The following NXF3 variants were observed in gnomAD, a reference collection of about 807,000 sequenced individuals.
NXF3 encodes the protein nuclear RNA export factor 3, also known as TAP-like protein 3.
Under a neutral mutation model 48.4 loss-of-function variants are expected in NXF3, and 34 were observed. That is an observed-to-expected ratio of 0.70 (90% confidence interval 0.53 to 0.93). The LOEUF (loss-of-function observed/expected upper bound fraction) is 0.93, where lower values mean the gene tolerates loss of function less well. Ranked by LOEUF, NXF3 falls within the 40% of genes least tolerant of loss-of-function variation. The pLI is 0.00. For synonymous variants in NXF3, 132 were observed against 145.7 expected (o/e 0.91, Z 0.68); for missense variants, 359 against 406.1 (o/e 0.88, Z 1.00).
At chrX:103,087,684 T>C in intron 1 of NXF3, 4 of 1,049,542 alleles carry the variant, frequency 3.8e-6, no homozygotes, top group South Asian at 3.8e-5. Flanking sequence ...GCATATACAA[T>C]CTGTGGCAAG....
In NXF3 at chrX:103,078,887, A is replaced by G. The variant is rs780204974; in HGVS notation, c.1379-255T>C. On this transcript the variant is annotated intron_variant, in intron 16 of 19. Coordinates refer to ENST00000395065, the MANE Select transcript of NXF3 (RefSeq NM_022052.2). ...GTTCACTTAATTCCTATTTCACAGTAGCCCAAGAGATGGGTTATTATTAGC... is the reference window on the plus strand; with the variant it reads ...GTTCACTTAATTCCTATTTCACAGTGGCCCAAGAGATGGGTTATTATTAGC... Among the ~76,000 whole-genome samples, 4 of 112,333 alleles carry G rather than the reference A, an allele frequency of 3.6e-5. No homozygotes were observed. The South Asian group carries it at 1.1e-3, about 32-fold the overall frequency.
chrX:103,083,134 G>C, intron 6 of NXF3, 59 bp downstream of exon 6: 2 of 1,192,063 alleles, frequency 1.7e-6, no homozygotes, highest in South Asian at 3.5e-5. Context: ...GGGGCAATAG[G>C]TGGGGAAGAA....
In NXF3 at chrX:103,078,603, C is replaced by A; in HGVS notation, c.1408G>T (p.Ala470Ser). 2 of 1,211,904 alleles carry A rather than the reference C, an allele frequency of 1.7e-6. No homozygotes were observed. Among genetic ancestry groups the A allele is most frequent in the Non-Finnish European group, 2.2e-6 (2 of 895,614 alleles). ...VEGQSQGSVLAFTRTFIATPG... is the reference protein window; with the variant it reads ...VEGQSQGSVLSFTRTFIATPG... ...GTAGCAATGAAGGTCCGGGTGAAGG[C>A]GAGAACAGAACCCTGAGACTGTCCT... The change falls in exon 17 of 20, where the codon GCC (alanine) becomes TCC (serine). Residue 470 changes from alanine (A) to serine (S), a missense_variant. Ala to Ser is a moderately conservative substitution (Grantham distance 99). Coordinates refer to ENST00000395065, the MANE Select transcript of NXF3 (RefSeq NM_022052.2).
chrX:103,083,546 C>A, intron 4 of NXF3, 44 bp from the exon 5 acceptor site: 2 of 1,169,715 alleles, frequency 1.7e-6, no homozygotes, highest in Non-Finnish European at 2.3e-6. Flanking sequence ...AGGCCAGAGT[C>A]TCTGCTCATC....
chrX:103,084,616 CCT>C, intron 2 of NXF3, 97 bp downstream of exon 2: 2 of 1,131,785 alleles, frequency 1.8e-6, no homozygotes, highest in Non-Finnish European at 2.4e-6. Flanking sequence ...TTCTGTCATT[CCT>C]CTCTCTGTCA....
chrX:103,089,124 G>A (rs1259440418), intron 1 of NXF3: 2 of 849,516 alleles, frequency 2.4e-6, no homozygotes, highest in African/African-American at 4.0e-5. Flanking sequence ...ATCTATACTG[G>A]AAAAACACTA....
chrX:103,076,382 A>G, intron 18 of NXF3, 81 bp from the exon 19 acceptor site: 3 of 1,016,585 alleles, frequency 3.0e-6, no homozygotes, highest in Non-Finnish European at 4.2e-6. Flanking sequence ...TTCTTAATCT[A>G]TGCAACAGAA....
intron 1 of NXF3, among the ~76,000 whole-genome samples, chrX:103,089,937 T>A (rs1922238362): frequency 9.1e-6 from 1 of 110,059 alleles, no homozygotes; most frequent in African/African-American, 3.3e-5. Context: ...GCGAGTGACA[T>A]CTTTCTCAAA....
At chrX:103,092,123 T>C (rs1217071234) in intron 1 of NXF3, among the ~76,000 whole-genome samples, 2 of 111,354 alleles carry the variant, frequency 1.8e-5, no homozygotes, top group African/African-American at 3.3e-5. Context: ...TAAAGAGAAC[T>C]AGAAGAATTT....
intron 1 of NXF3, chrX:103,087,678 A>G: frequency 9.5e-7 from 1 of 1,050,693 alleles, no homozygotes; most frequent in Non-Finnish European, 1.3e-6. Flanking sequence ...ATTCATGCAT[A>G]TACAATCTGT....
At position 103,080,621 on chromosome X, in the gene NXF3, A is replaced by C; in HGVS notation, c.891-9T>G. On this transcript the variant is annotated splice_polypyrimidine_tract_variant and intron_variant, in intron 9 of 19. Coordinates refer to ENST00000395065, the MANE Select transcript of NXF3 (RefSeq NM_022052.2). ...ACAATTCCAGGATGGAGCTGCCGAA[A>C]ATCAAAACAAAATGGACAACGGTAA... The C allele has an allele frequency of 8.3e-7, 1 of 1,208,569 alleles. No individual in the cohort carries two copies. Among genetic ancestry groups the C allele is most frequent in the Non-Finnish European group, 1.1e-6 (1 of 892,398 alleles).
At position 103,076,284 on chromosome X, in the gene NXF3, T is replaced by C. The variant is rs376453195; in HGVS notation, c.*6A>G. 52 of 1,209,609 alleles carry C rather than the reference T, an allele frequency of 4.3e-5. No individual in the cohort carries two copies. The East Asian group carries it at 7.1e-4, about 17-fold the overall frequency. ...ATGAGGAGCTCTGACGTAGTCACAC[T>C]GGTTGTTACGAAGGCAGCTGTGGTG... On this transcript the variant is annotated 3_prime_UTR_variant, in exon 19 of 20. Coordinates refer to ENST00000395065, the MANE Select transcript of NXF3 (RefSeq NM_022052.2).
At chrX:103,083,824 C>T in intron 3 of NXF3, 132 bp from the exon 4 acceptor site, 1 of 446,659 alleles carries the variant, frequency 2.2e-6, no homozygotes, top group Non-Finnish European at 3.9e-6. Context: ...TTATTGCTAA[C>T]TTATGTATTT....
chrX:103,081,752 T>C (rs1341003560), intron 9 of NXF3: 1 of 114,476 alleles, frequency 8.7e-6, no homozygotes, highest in African/African-American at 3.2e-5. Flanking sequence ...ACCCAGGGCC[T>C]CGGCCCTCAG....
chrX:103,081,718 G>A (rs1269949387), intron 9 of NXF3: 1 of 114,544 alleles, frequency 8.7e-6, no homozygotes, highest in Non-Finnish European at 1.8e-5. Flanking sequence ...ATTGGCCAGA[G>A]GAAGAGATGG....
intron 1 of NXF3, among the ~76,000 whole-genome samples, chrX:103,086,882 A>G (rs1922170139): frequency 8.9e-6 from 1 of 111,960 alleles, no homozygotes; most frequent in African/African-American, 3.3e-5. Flanking sequence ...CAACAAGAAG[A>G]TATTAAGAAA....
Position 103,079,353 on chromosome X carries a change from A to G in NXF3, c.1335+6T>C, listed in dbSNP as rs370668412. On this transcript the variant is annotated splice_donor_region_variant and intron_variant, in intron 15 of 19. Coordinates refer to ENST00000395065, the MANE Select transcript of NXF3 (RefSeq NM_022052.2). ...GGCCTGCCCAAGGGAGGAAGCAGGTACTCACCGTCTGGTACCACATGTCCA... is the reference window on the plus strand; with the variant it reads ...GGCCTGCCCAAGGGAGGAAGCAGGTGCTCACCGTCTGGTACCACATGTCCA... 104 of 1,208,150 alleles carry G rather than the reference A, an allele frequency of 8.6e-5. No homozygotes were observed. Among genetic ancestry groups the G allele is most frequent in the African/African-American group, 5.8e-4 (33 of 57,116 alleles).
intron 1 of NXF3, chrX:103,087,393 A>G (rs761103125): frequency 6.9e-6 from 8 of 1,164,109 alleles, no homozygotes; most frequent in Admixed American, 2.2e-5. Flanking sequence ...CCTTTAGACA[A>G]CTAGTTCATC....
chrX:103,077,626 C>T lies in NXF3; in HGVS notation c.1572G>A (p.Glu524=), dbSNP rs770851641. The T allele has an allele frequency of 4.1e-6, 5 of 1,209,247 alleles. No homozygotes were observed. In the African/African-American group the frequency reaches 7.0e-5, roughly 17 times the overall value. Residue 524 remains glutamate (E), a synonymous_variant, in exon 18 of 20, where the codon GAG becomes GAA. Transcript: ENST00000395065. Reference sequence around the variant, plus strand: ...AGAAAACCTGTACCATTTTCTGCTGCTCCTGGGAGAAGGCAGGCACGGAGC... The same window carrying T: ...AGAAAACCTGTACCATTTTCTGCTGTTCCTGGGAGAAGGCAGGCACGGAGC... ...FSSSVPAFSQ[E]QQKMLPS
Sources: allele counts gnomAD v4.1 joint callset (sites outside exome capture counted in the v4.1 genomes callset), GRCh38; gene constraint gnomAD v4.1.1; transcripts MANE v1.5; gene names NCBI Gene and HGNC (gene_info 2026-07-23, HGNC 2026-07-21).